Variants in ZDHHC15 observed in about 807,000 individuals in gnomAD.
ZDHHC15 encodes the protein zDHHC palmitoyltransferase 15, also known as palmitoyltransferase ZDHHC15.
ZDHHC15 carries 19 observed loss-of-function variants against 31.7 expected under a neutral mutation model. The observed-to-expected ratio is 0.60, with a 90% confidence interval of 0.42 to 0.88. The LOEUF is 0.88. Among genes scored for constraint, ZDHHC15 ranks in the 40% least tolerant of loss-of-function variants. ZDHHC15 has a pLI of 0.00. For synonymous variants in ZDHHC15, 103 were observed against 90.0 expected (o/e 1.14, Z -0.82); for missense variants, 209 against 251.2 (o/e 0.83, Z 1.14).
At chrX:75,406,508 G>GA (rs984890256) in intron 10 of ZDHHC15, among the ~76,000 whole-genome samples, 2 of 110,355 alleles carry the variant, frequency 1.8e-5, no homozygotes, top group African/African-American at 6.6e-5. Context: ...GTGAAAATGG[G>GA]ATATTACAAC....
chrX:75,454,727 C>T (rs1365744828), intron 3 of ZDHHC15, among the ~76,000 whole-genome samples: 2 of 111,064 alleles, frequency 1.8e-5, no homozygotes, highest in African/African-American at 3.3e-5. Context: ...AACAAACCTG[C>T]ACATTGTGCA....
intron 10 of ZDHHC15, among the ~76,000 whole-genome samples, chrX:75,403,384 A>G (rs971434839): frequency 6.3e-5 from 7 of 111,919 alleles, no homozygotes; most frequent in Admixed American, 1.9e-4. Flanking sequence ...AGCCAAAACA[A>G]TCAGGAAAGA....
intron 4 of ZDHHC15, among the ~76,000 whole-genome samples, chrX:75,441,902 C>G (rs931979514): frequency 9.0e-6 from 1 of 111,173 alleles, no homozygotes; most frequent in African/African-American, 3.3e-5. Context: ...GAATTACAGG[C>G]ATGAGCCACC....
At chrX:75,390,323 G>A (rs1485339768) in intron 10 of ZDHHC15, among the ~76,000 whole-genome samples, 59 of 111,895 alleles carry the variant, frequency 5.3e-4, no homozygotes, top group Non-Finnish European at 1.9e-4. Context: ...AACCTGGCTG[G>A]CTTTGCAACC....
chrX:75,520,916 A>G (rs2085432880), intron 1 of ZDHHC15, among the ~76,000 whole-genome samples: 1 of 111,349 alleles, frequency 9.0e-6, no homozygotes, highest in East Asian at 2.8e-4. Flanking sequence ...TAGAATTAGA[A>G]TATAGAAAGT....
rs1196322056 is a variant in ZDHHC15 at position 75,419,304 on chromosome X, C to T, written c.864-2114G>A. 1.2e-4 allele frequency among the ~76,000 whole-genome samples: 13 copies of T among 111,950 alleles called. 1 individual carries two copies. The Middle Eastern group carries it at 0.018, about 159-fold the overall frequency. On this transcript the variant is annotated intron_variant, in intron 9 of 11. Coordinates refer to ENST00000373367, the MANE Select transcript of ZDHHC15 (RefSeq NM_144969.3). ...AGTGGGCGAAGGATATGAACAGACACTTCTCAAAAGAAGACATTTATACAG... is the reference window on the plus strand; with the variant it reads ...AGTGGGCGAAGGATATGAACAGACATTTCTCAAAAGAAGACATTTATACAG...
At chrX:75,479,138 G>C (rs2084651188) in intron 2 of ZDHHC15, among the ~76,000 whole-genome samples, 153 bp from the exon 3 acceptor site, 1 of 111,850 alleles carries the variant, frequency 8.9e-6, no homozygotes, top group Non-Finnish European at 1.9e-5. Context: ...TTCCCATACA[G>C]TGACAGAAAC....
chrX:75,451,069 A>G (rs1301213901), intron 3 of ZDHHC15, 147 bp from the exon 4 acceptor site: 2 of 655,473 alleles, frequency 3.1e-6, no homozygotes, highest in Non-Finnish European at 2.1e-6. Context: ...TCTCTGGATA[A>G]TTACTTCAAT....
intron 2 of ZDHHC15, among the ~76,000 whole-genome samples, chrX:75,481,015 G>A (rs1267459560): frequency 9.0e-6 from 1 of 111,558 alleles, no homozygotes; most frequent in East Asian, 2.8e-4. Context: ...GTTGTGTCCA[G>A]TGTTTAGCTG....
chrX:75,371,882 C>A lies in ZDHHC15; in HGVS notation c.*1096G>T, dbSNP rs751942126. Reference sequence around the variant, plus strand: ...GCAAACTGTATTAATGGCTTAGCTACTACTGAAGCTAAAAAAAGAAGAAAG... The same window carrying A: ...GCAAACTGTATTAATGGCTTAGCTAATACTGAAGCTAAAAAAAGAAGAAAG... On this transcript the variant is annotated 3_prime_UTR_variant, in exon 12 of 12. Coordinates refer to ENST00000373367, the MANE Select transcript of ZDHHC15 (RefSeq NM_144969.3). 8.9e-6 allele frequency: 1 copy of A among 111,749 alleles called. No homozygotes were observed. The highest frequency in any genetic ancestry group is 3.2e-5 in the African/African-American group (1 of 30,791). The allele number at this position is 111,749 out of a possible 1,213,427, so 9.2% of individuals were successfully genotyped here.
At chrX:75,470,118 T>G (rs2084480701) in intron 3 of ZDHHC15, among the ~76,000 whole-genome samples, 1 of 111,377 alleles carries the variant, frequency 9.0e-6, no homozygotes, top group Admixed American at 9.6e-5. Flanking sequence ...AACATTTGAC[T>G]CAGTGGGATG....
chrX:75,398,555 C>T (rs1230391798), intron 10 of ZDHHC15, among the ~76,000 whole-genome samples: 1 of 112,658 alleles, frequency 8.9e-6, no homozygotes, highest in Non-Finnish European at 1.9e-5. Flanking sequence ...TGACCAGGGT[C>T]TGAAGTGGAC....
At chrX:75,442,999 A>AG (rs2083967838) in intron 4 of ZDHHC15, among the ~76,000 whole-genome samples, 1 of 109,666 alleles carries the variant, frequency 9.1e-6, no homozygotes, top group African/African-American at 3.3e-5. Flanking sequence ...AAAAAAAAAA[A>AG]AAAAGAAAAA....
intron 4 of ZDHHC15, among the ~76,000 whole-genome samples, chrX:75,444,683 T>TACACAC (rs1261727278): frequency 2.6e-4 from 9 of 34,562 alleles, no homozygotes; most frequent in Non-Finnish European, 4.5e-4. Context: ...TATATATATA[T>TACACAC]ATATACACAC....
At chrX:75,412,080 C>T (rs2083491031) in intron 10 of ZDHHC15, among the ~76,000 whole-genome samples, 1 of 111,959 alleles carries the variant, frequency 8.9e-6, no homozygotes, top group South Asian at 3.7e-4. Context: ...TGAGATATCA[C>T]CTTCCACCAG....
rs1052100426 is a variant in ZDHHC15, at chrX:75,451,898, A to C, written c.259-976T>G. Among the ~76,000 whole-genome samples, 13 of 111,580 alleles carry C rather than the reference A, an allele frequency of 1.2e-4. 1 individual carries two copies. Among genetic ancestry groups the C allele is most frequent in the Non-Finnish European group, 1.9e-4 (10 of 53,092 alleles). On this transcript the variant is annotated intron_variant, in intron 3 of 11. Coordinates refer to ENST00000373367, the MANE Select transcript of ZDHHC15 (RefSeq NM_144969.3). ...TGAAGGAACCACTAAACATGGAAAG[A>C]AACAACTGGTACCAGCCACTGCAAA...
At chrX:75,506,565 TGCTTGAA>T (rs2085168144) in intron 1 of ZDHHC15, among the ~76,000 whole-genome samples, 1 of 112,010 alleles carries the variant, frequency 8.9e-6, no homozygotes. Flanking sequence ...CTAATGAGTC[TGCTTGAA>T]GATTGATACC....
In ZDHHC15 at chrX:75,409,404, C is replaced by T. The variant is rs762919884; in HGVS notation, c.967+7683G>A. ...TCAGGAGCCTGAGGCAAGAGAATTGCTTGAACCTGTGAGGTGGAGATTTCA... is the reference window on the plus strand; with the variant it reads ...TCAGGAGCCTGAGGCAAGAGAATTGTTTGAACCTGTGAGGTGGAGATTTCA... On this transcript the variant is annotated intron_variant, in intron 10 of 11. Transcript: ENST00000373367. Among the ~76,000 whole-genome samples the T allele has an allele frequency of 6.0e-4, 59 of 98,332 alleles. No individual in the cohort carries two copies. In the South Asian group the frequency reaches 0.022, roughly 37 times the overall value. 85.4% of individuals were successfully genotyped at this position (98,332 alleles called of 115,157 possible).
intron 5 of ZDHHC15, among the ~76,000 whole-genome samples, chrX:75,430,920 C>G (rs1184500199): frequency 9.0e-6 from 1 of 111,147 alleles, no homozygotes; most frequent in African/African-American, 3.3e-5. Flanking sequence ...ACCATTAATC[C>G]TAAATACTGT....
Sources: allele counts gnomAD v4.1 joint callset (sites outside exome capture counted in the v4.1 genomes callset), GRCh38; gene constraint gnomAD v4.1.1; transcripts MANE v1.5; gene names NCBI Gene and HGNC (gene_info 2026-07-23, HGNC 2026-07-21).